GRID2IP: variants seen among roughly 807,000 people sequenced by gnomAD.
The protein encoded by GRID2IP is delphilin.
A neutral mutation model predicts 114.3 loss-of-function variants in GRID2IP; 78 were observed. That is an observed-to-expected ratio of 0.68 (90% CI 0.57 to 0.82). GRID2IP has a LOEUF of 0.82. GRID2IP is among the 40% of genes least tolerant of loss of function. The pLI is 0.00. For missense variants in GRID2IP, 1,727 were observed against 1,678.5 expected (o/e 1.03, Z -0.51); for synonymous variants, 809 against 724.0 (o/e 1.12, Z -1.89).
At chr7:6,535,617 GC>G (rs1779711846) in intron 2 of GRID2IP, among the ~76,000 whole-genome samples, 1 of 152,192 alleles carries the variant, frequency 6.6e-6, no homozygotes, top group African/African-American at 2.4e-5. Flanking sequence ...TGTAATCCCA[GC>G]ACTTTGGGAG....
At chr7:6,504,733 G>T in intron 15 of GRID2IP, 60 bp downstream of exon 15, 1 of 1,321,834 alleles carries the variant, frequency 7.6e-7, no homozygotes. Flanking sequence ...GCAGGTCTGA[G>T]GCCCAGAGAA....
chr7:6,533,267 C>T (rs1340320048), intron 2 of GRID2IP, among the ~76,000 whole-genome samples: 2 of 152,150 alleles, frequency 1.3e-5, no homozygotes, highest in East Asian at 1.9e-4. Context: ...CTCTTGGGAA[C>T]GAGAGCTTCC....
chr7:6,516,632 G>A lies in GRID2IP; in HGVS notation c.1269-2103C>T, dbSNP rs746160577. On this transcript the variant is annotated intron_variant, in intron 7 of 21. Transcript: ENST00000457091. The surrounding 1 kb of genome is among the most constrained non-coding windows in gnomAD (Gnocchi z 4.3). ...GACTCTGCTCCACCACTGCTTGCCC[G>A]CCCGCAGCCACCCAGAGGCCTAACG... Among the ~76,000 whole-genome samples, 2 of 152,108 alleles carry A rather than the reference G, an allele frequency of 1.3e-5. No homozygotes were observed. The highest frequency in any genetic ancestry group is 6.6e-5 in the Admixed American group (1 of 15,250).
intron 2 of GRID2IP, among the ~76,000 whole-genome samples, chr7:6,533,241 C>G (rs1779665284): frequency 6.6e-6 from 1 of 152,202 alleles, no homozygotes; most frequent in Non-Finnish European, 1.5e-5. Flanking sequence ...CAGCAGTGCC[C>G]TACTTGAGAC....
At chr7:6,501,166 C>T (rs1417516828) in intron 20 of GRID2IP, among the ~76,000 whole-genome samples, 1 of 152,136 alleles carries the variant, frequency 6.6e-6, no homozygotes, top group Non-Finnish European at 1.5e-5. Context: ...GCCTGGAAAA[C>T]ATAGTGAACC....
chr7:6,504,256 CT>C (rs1786508747), intron 15 of GRID2IP, among the ~76,000 whole-genome samples: 2 of 133,190 alleles, frequency 1.5e-5, no homozygotes, highest in African/African-American at 5.8e-5. Context: ...CTGAGCGGGG[CT>C]GCTGGTTGAG....
intron 18 of GRID2IP, among the ~76,000 whole-genome samples, 176 bp downstream of exon 18, chr7:6,502,610 C>G (rs1339363383): frequency 4.0e-5 from 6 of 151,048 alleles, no homozygotes; most frequent in East Asian, 2.0e-4. Flanking sequence ...CCCCACCCCA[C>G]CCCACCCTTT....
chr7:6,503,787 CGGGGCGGGGCCTAG>C, intron 15 of GRID2IP, 100 bp from the exon 16 acceptor site: 2 of 764,524 alleles, frequency 2.6e-6, no homozygotes, highest in Non-Finnish European at 3.9e-6. Context: ...AGGGCGGACA[CGGGGCGGGGCCTAG>C]GGGAGAGGAC....
At chr7:6,511,548 T>C (rs1424266507) in intron 8 of GRID2IP, among the ~76,000 whole-genome samples, 2 of 151,928 alleles carry the variant, frequency 1.3e-5, no homozygotes, top group African/African-American at 2.4e-5. Context: ...AATTTTTGTA[T>C]TTTTAGTAGA....
At position 6,528,694 on chromosome 7, in the gene GRID2IP, A is replaced by T. The variant is rs1779561417; in HGVS notation, c.585-1925T>A. Among the ~76,000 whole-genome samples, 1 of 152,034 alleles carries T rather than the reference A, an allele frequency of 6.6e-6. No homozygotes were observed. The highest frequency in any genetic ancestry group is 2.1e-4 in the South Asian group (1 of 4,818). ...TCCACCTCTGTGGGTAGGAGTAATT[A>T]GGCCCGCCAGGCAAAAGAAATTGCC... On this transcript the variant is annotated intron_variant, in intron 2 of 21. Transcript: ENST00000457091. This position sits in a 1 kb window ranked among gnomAD's most constrained non-coding sequence, Gnocchi z 6.0.
chr7:6,510,212 A>G (rs1020302985), intron 11 of GRID2IP, 71 bp downstream of exon 11: 9 of 990,068 alleles, frequency 9.1e-6, no homozygotes, highest in Admixed American at 8.1e-5. Context: ...GGAGCAGAGA[A>G]GCAGCTCCAG....
intron 7 of GRID2IP, 138 bp from the exon 8 acceptor site, chr7:6,514,667 G>T: frequency 1.4e-6 from 1 of 712,608 alleles, no homozygotes; most frequent in Non-Finnish European, 2.1e-6. Flanking sequence ...AGACAGAAGT[G>T]GGGGCCGGGC....
intron 1 of GRID2IP, among the ~76,000 whole-genome samples, chr7:6,543,111 C>T (rs1779837623): frequency 6.6e-6 from 1 of 152,132 alleles, no homozygotes. Flanking sequence ...AGGCCCACTT[C>T]CGGCCGGGTG....
At chr7:6,529,930 C>G (rs1779584828) in intron 2 of GRID2IP, among the ~76,000 whole-genome samples, 1 of 151,534 alleles carries the variant, frequency 6.6e-6, no homozygotes, top group Non-Finnish European at 1.5e-5. Flanking sequence ...GTCCTCTCTC[C>G]CCACCCAGCT....
At chr7:6,529,082 T>G (rs1169108438) in intron 2 of GRID2IP, among the ~76,000 whole-genome samples, 3 of 152,108 alleles carry the variant, frequency 2.0e-5, no homozygotes, top group African/African-American at 7.2e-5. Flanking sequence ...CATCACCCCA[T>G]GCACCCAACC....
At position 6,536,181 on chromosome 7, in the gene GRID2IP, G is replaced by A. The variant is rs991331246; in HGVS notation, c.584+3537C>T. On this transcript the variant is annotated intron_variant, in intron 2 of 21. Transcript: ENST00000457091. The surrounding 1 kb of genome is among the most constrained non-coding windows in gnomAD (Gnocchi z 5.3). ...TGGGGAGGGGGTTGTTGGGAAGTAG[G>A]GGGTTTGAAGAGGTGCGGGGTGGCT... 1.3e-5 allele frequency among the ~76,000 whole-genome samples: 2 copies of A among 152,192 alleles called. No individual in the cohort carries two copies. The highest frequency in any genetic ancestry group is 2.4e-5 in the African/African-American group (1 of 41,446).
chr7:6,546,244 G>C (rs998621521), intron 1 of GRID2IP, among the ~76,000 whole-genome samples: 4 of 150,654 alleles, frequency 2.7e-5, no homozygotes, highest in African/African-American at 4.9e-5. Flanking sequence ...GATCACCTGA[G>C]GTCAGGAGTT....
At chr7:6,510,855 G>C in intron 9 of GRID2IP, 53 bp downstream of exon 9, 1 of 1,524,354 alleles carries the variant, frequency 6.6e-7, no homozygotes, top group African/African-American at 1.4e-5. Context: ...AGCCCATTTT[G>C]CAGGTGGGAA....
rs949998564 is a variant in GRID2IP at position 6,516,082 on chromosome 7, G to C, written c.1269-1553C>G. Among the ~76,000 whole-genome samples the C allele has an allele frequency of 7.9e-5, 12 of 151,084 alleles. No homozygotes were observed. Among genetic ancestry groups the C allele is most frequent in the African/African-American group, 2.9e-4 (12 of 41,174 alleles). ...ATTGCACTCCAGCCTGGGTGACAGA[G>C]CAAGACCCCGTCTCAAAATAATAAT... On this transcript the variant is annotated intron_variant, in intron 7 of 21. Transcript: ENST00000457091. This position sits in a 1 kb window ranked among gnomAD's most constrained non-coding sequence, Gnocchi z 4.3.
Sources: gnomAD v4.1 joint callset for allele counts (sites outside exome capture counted in the v4.1 genomes callset) on GRCh38, gnomAD v4.1.1 for gene constraint, Gnocchi (gnomAD v3.1) non-coding constraint, MANE v1.5 for transcripts, NCBI Gene and HGNC (gene_info 2026-07-23, HGNC 2026-07-21) for gene names.